Variants in LMNB2 observed in about 807,000 individuals in gnomAD.
LMNB2 encodes lamin-B2.
LMNB2 carries 17 observed loss-of-function variants against 69.3 expected under a neutral mutation model. That is an observed-to-expected ratio of 0.25 (90% CI 0.17 to 0.37). The LOEUF (loss-of-function observed/expected upper bound fraction) is 0.37, where lower values mean the gene tolerates loss of function less well. Ranked by LOEUF, LMNB2 falls within the 10% of genes least tolerant of loss-of-function variation. The pLI, the probability that LMNB2 is intolerant of heterozygous loss-of-function variation, is 1.00. For missense variants in LMNB2, 789 were observed against 883.6 expected (o/e 0.89, Z 1.36); for synonymous variants, 397 against 389.3 (o/e 1.02, Z -0.23).
At position 2,433,882 on chromosome 19, in the gene LMNB2, T is replaced by A. The variant is rs561941612; in HGVS notation, c.1426A>T (p.Ile476Phe). The A allele has an allele frequency of 2.5e-6, 4 of 1,613,248 alleles. No homozygotes were observed. In the African/African-American group the frequency reaches 5.3e-5, roughly 21 times the overall value. ...QQASASGSVS[I>F]EEIDLEGKFV... ...TTGCCCTCCAGGTCGATCTCCTCGATGCTGACGCTACCCGAGGCCGAGGCC... is the reference window on the plus strand; with the variant it reads ...TTGCCCTCCAGGTCGATCTCCTCGAAGCTGACGCTACCCGAGGCCGAGGCC... The change falls in exon 8 of 12, where the codon ATC becomes TTC. Residue 476 changes from isoleucine to phenylalanine, a missense_variant. Around this residue, in one of 3 missense-constraint regions of LMNB2, gnomAD observed 609 missense variants for 630.9 expected, o/e 0.97. Transcript: ENST00000325327.
intron 4 of LMNB2, among the ~76,000 whole-genome samples, chr19:2,435,950 A>C (rs941315110): frequency 6.6e-6 from 1 of 152,170 alleles, no homozygotes; most frequent in Non-Finnish European, 1.5e-5. Context: ...GGAGTTCGAG[A>C]CCAGCCTAGC....
In LMNB2 at chr19:2,453,394, G is replaced by A. The variant is rs963355077; in HGVS notation, c.264+3276C>T. On this transcript the variant is annotated intron_variant, in intron 1 of 11. Coordinates refer to ENST00000325327, the MANE Select transcript of LMNB2 (RefSeq NM_032737.4). The surrounding 1 kb of genome is among the most constrained non-coding windows in gnomAD (Gnocchi z 4.4). Reference sequence around the variant, plus strand: ...TCTCTGAACCCCACGTGGCCCACCTGTGTCTAGAAGGCCCCCAGCTATTCC... The same window carrying A: ...TCTCTGAACCCCACGTGGCCCACCTATGTCTAGAAGGCCCCCAGCTATTCC... Among the ~76,000 whole-genome samples the A allele has an allele frequency of 6.6e-6, 1 of 151,582 alleles. No individual in the cohort carries two copies. Among genetic ancestry groups the A allele is most frequent in the African/African-American group, 2.4e-5 (1 of 41,192 alleles).
At chr19:2,432,841 G>A (rs1289313603) in intron 8 of LMNB2, among the ~76,000 whole-genome samples, 5 of 86,158 alleles carry the variant, frequency 5.8e-5, no homozygotes, top group African/African-American at 1.5e-4. Context: ...CCCATCAGCT[G>A]GGTCACCCCG....
At chr19:2,456,628 G>A (rs1331809682) in intron 1 of LMNB2, 42 bp downstream of exon 1, 3 of 1,427,694 alleles carry the variant, frequency 2.1e-6, no homozygotes, top group African/African-American at 3.0e-5. Context: ...GGCGGGGCCT[G>A]CCGGCTGCAC....
At position 2,431,605 on chromosome 19, in the gene LMNB2, A is replaced by G. The variant is rs761133517; in HGVS notation, c.1764T>C (p.Asn588=). Reference sequence around the variant, plus strand: ...CGGCTTCCTCCTCCTCTTCCTCCCCATTCTCATTCTCACGCATCACCGAGG... The same window carrying G: ...CGGCTTCCTCCTCCTCTTCCTCCCCGTTCTCATTCTCACGCATCACCGAGG... The part of the protein sequence containing the change: ...KKSSVMRENE[N]GEEEEEEAEF... Residue 588 remains asparagine, a synonymous_variant, in exon 11 of 12, where the codon AAT becomes AAC. Coordinates refer to ENST00000325327, the MANE Select transcript of LMNB2 (RefSeq NM_032737.4). The G allele has an allele frequency of 8.1e-6, 13 of 1,613,826 alleles. No homozygotes were observed. In the East Asian group the frequency reaches 2.5e-4, roughly 30 times the overall value.
rs542402104 is a variant in LMNB2 at position 2,455,133 on chromosome 19, C to A, written c.264+1537G>T. ...AGAACCTCTCCCTCGGCCCCCTACC[C>A]ACCCTGGGCCTGGTGAGAGATGAGG... On this transcript the variant is annotated intron_variant, in intron 1 of 11. Coordinates refer to ENST00000325327, the MANE Select transcript of LMNB2 (RefSeq NM_032737.4). 1.5e-3 allele frequency among the ~76,000 whole-genome samples: 234 copies of A among 152,190 alleles called. 2 individuals carry two copies. Among genetic ancestry groups the A allele is most frequent in the African/African-American group, 5.4e-3 (225 of 41,492 alleles).
At chr19:2,454,954 G>A (rs571664126) in intron 1 of LMNB2, among the ~76,000 whole-genome samples, 1 of 152,020 alleles carries the variant, frequency 6.6e-6, no homozygotes, top group East Asian at 1.9e-4. Flanking sequence ...GAAGCCTCGG[G>A]GCCCATTCAG....
rs77238677 is a variant in LMNB2 at position 2,451,408 on chromosome 19, T to C, written c.264+5262A>G. 6.8e-4 allele frequency among the ~76,000 whole-genome samples: 104 copies of C among 152,312 alleles called. 2 individuals carry two copies. In the East Asian group the frequency reaches 0.017, roughly 24 times the overall value. The stretch of plus-strand genomic sequence containing the variant: ...GGCAGCTTTCATCCTATGGCAGAGC[T>C]GAGTGGTTCAGATGCAGACAGTCTG... On this transcript the variant is annotated intron_variant, in intron 1 of 11. Coordinates refer to ENST00000325327, the MANE Select transcript of LMNB2 (RefSeq NM_032737.4).
At chr19:2,433,722 T>G in intron 8 of LMNB2, 104 bp downstream of exon 8, 1 of 1,411,208 alleles carries the variant, frequency 7.1e-7, no homozygotes, top group Admixed American at 1.7e-5. Flanking sequence ...TCCGGTCACC[T>G]TGTCCCCTGC....
At chr19:2,439,552 TC>T (rs1379473036) in intron 2 of LMNB2, among the ~76,000 whole-genome samples, 3 of 152,026 alleles carry the variant, frequency 2.0e-5, no homozygotes, top group African/African-American at 7.3e-5. Context: ...TCACCCAGTG[TC>T]CCCTGGGGAC....
At chr19:2,445,413 T>C (rs761007193) in intron 1 of LMNB2, among the ~76,000 whole-genome samples, 3 of 152,048 alleles carry the variant, frequency 2.0e-5, no homozygotes, top group Non-Finnish European at 4.4e-5. Context: ...GGCCTTCCCA[T>C]GCTGTGTCCC....
chr19:2,440,544 C>T (rs1474225903), intron 2 of LMNB2, among the ~76,000 whole-genome samples: 1 of 152,052 alleles, frequency 6.6e-6, no homozygotes, highest in South Asian at 2.1e-4. Flanking sequence ...ATCCATCTAC[C>T]CATCATCCAT....
At chr19:2,456,556 G>A in intron 1 of LMNB2, 114 bp downstream of exon 1, 5 of 1,123,918 alleles carry the variant, frequency 4.4e-6, no homozygotes, top group Non-Finnish European at 5.7e-6. Flanking sequence ...AACCCCCGAA[G>A]CCGGGGCCCG....
intron 2 of LMNB2, among the ~76,000 whole-genome samples, chr19:2,442,574 G>A (rs1162744902): frequency 1.3e-5 from 2 of 151,990 alleles, no homozygotes; most frequent in African/African-American, 4.8e-5. Context: ...GTCTCAAAAG[G>A]AAATAAATAA....
intron 2 of LMNB2, among the ~76,000 whole-genome samples, chr19:2,442,001 C>A (rs534175081): frequency 6.6e-6 from 1 of 152,176 alleles, no homozygotes; most frequent in Non-Finnish European, 1.5e-5. Context: ...AGGCAGGGTG[C>A]GGGCTCCCAG....
intron 1 of LMNB2, among the ~76,000 whole-genome samples, chr19:2,451,736 G>A (rs371929190): frequency 2.0e-5 from 3 of 152,136 alleles, no homozygotes; most frequent in South Asian, 2.1e-4. Context: ...GGGACCCCTC[G>A]GACACACAGA....
chr19:2,450,872 C>T (rs540111592), intron 1 of LMNB2, among the ~76,000 whole-genome samples: 1 of 150,794 alleles, frequency 6.6e-6, no homozygotes, highest in Admixed American at 6.6e-5. Context: ...CCTCGTGATC[C>T]GCCCACCTCG....
intron 1 of LMNB2, among the ~76,000 whole-genome samples, chr19:2,448,875 A>G (rs772544176): frequency 2.6e-5 from 4 of 152,058 alleles, no homozygotes; most frequent in Non-Finnish European, 5.9e-5. Flanking sequence ...ATCTAATACC[A>G]TATTCTTACT....
At chr19:2,449,122 C>T (rs1042647581) in intron 1 of LMNB2, among the ~76,000 whole-genome samples, 1 of 152,124 alleles carries the variant, frequency 6.6e-6, no homozygotes, top group African/African-American at 2.4e-5. Context: ...GTCTCAAACT[C>T]CTGGACTCAA....
Sources: gnomAD v4.1 joint callset for allele counts (sites outside exome capture counted in the v4.1 genomes callset) on GRCh38, gnomAD v4.1.1 for gene constraint, gnomAD v4.1.1 regional missense constraint, Gnocchi (gnomAD v3.1) non-coding constraint, MANE v1.5 for transcripts, NCBI Gene and HGNC (gene_info 2026-07-23, HGNC 2026-07-21) for gene names.